Variants in PCDHA9 observed in about 807,000 individuals in gnomAD.
The protein encoded by PCDHA9 is protocadherin alpha-9.
Under a neutral mutation model 62.0 loss-of-function variants are expected in PCDHA9, and 62 were observed. The observed-to-expected ratio is 1.00, with a 90% CI of 0.81 to 1.23. PCDHA9 has a LOEUF of 1.23. Among genes scored for constraint, PCDHA9 ranks in the 50% most tolerant of loss-of-function variants. The pLI is 0.00. For synonymous variants in PCDHA9, 557 were observed against 567.6 expected, an observed-to-expected ratio of 0.98 and a Z score of 0.27; for missense variants, 1,205 against 1,249.8, an observed-to-expected ratio of 0.96 and a Z score of 0.54.
intron 1 of PCDHA9, chr5:140,858,206 A>T (rs781984728): frequency 1.3e-6 from 2 of 1,593,038 alleles, no homozygotes; most frequent in Non-Finnish European, 1.7e-6. Flanking sequence ...CACTGCACTG[A>T]GGTGCTCGGC....
chr5:140,968,753 C>T (rs782591270), intron 1 of PCDHA9: 8 of 1,614,018 alleles, frequency 5.0e-6, no homozygotes, highest in Non-Finnish European at 6.8e-6. Flanking sequence ...CGTGGTGGTC[C>T]GAGATAATGG....
rs74520967 is a variant in PCDHA9 at position 140,931,074 on chromosome 5, G to A, written c.2395-47875G>A. Among the ~76,000 whole-genome samples, 869 of 152,264 alleles carry A rather than the reference G, an allele frequency of 5.7e-3. 7 individuals are homozygous for A. The highest frequency in any genetic ancestry group is 0.018 in the African/African-American group (768 of 41,552). ...ATGCTGTGTCTGGGACTAAGTATGAGTCCAGTTCTACAGATGACAAAGGAA... is the reference window on the plus strand; with the variant it reads ...ATGCTGTGTCTGGGACTAAGTATGAATCCAGTTCTACAGATGACAAAGGAA... On this transcript the variant is annotated intron_variant, in intron 1 of 3. Coordinates refer to ENST00000532602, the MANE Select transcript of PCDHA9 (RefSeq NM_031857.2).
In PCDHA9 at chr5:140,884,413, G is replaced by C. The variant is rs376737487; in HGVS notation, c.2394+33524G>C. 13 of 1,613,896 alleles carry C rather than the reference G, an allele frequency of 8.1e-6. No homozygotes were observed. The East Asian group carries it at 2.5e-4, about 30-fold the overall frequency. On this transcript the variant is annotated intron_variant, in intron 1 of 3. Transcript: ENST00000532602. Reference sequence around the variant, plus strand: ...TGTCCAGCCTGTTGGTGCTCACGTTGCTGCTGTATACTGCGCTGCGGTGCT... The same window carrying C: ...TGTCCAGCCTGTTGGTGCTCACGTTCCTGCTGTATACTGCGCTGCGGTGCT...
intron 1 of PCDHA9, among the ~76,000 whole-genome samples, chr5:140,963,667 T>A (rs1206076549): frequency 6.6e-6 from 1 of 152,238 alleles, no homozygotes; most frequent in Non-Finnish European, 1.5e-5. Flanking sequence ...CTATATGGCA[T>A]AGTTAAATGT....
chr5:140,909,380 C>T (rs1247939021), intron 1 of PCDHA9, among the ~76,000 whole-genome samples: 2 of 152,194 alleles, frequency 1.3e-5, no homozygotes, highest in East Asian at 1.9e-4. Context: ...AATGAAACCA[C>T]ATCTAGTACA....
At chr5:140,857,347 G>A (rs781930086) in intron 1 of PCDHA9, 5 of 1,598,352 alleles carry the variant, frequency 3.1e-6, no homozygotes, top group Non-Finnish European at 4.3e-6. Context: ...GCTCGCCTCC[G>A]CTGTGGGCCA....
At chr5:140,904,435 A>G (rs542932460) in intron 1 of PCDHA9, among the ~76,000 whole-genome samples, 4 of 151,230 alleles carry the variant, frequency 2.6e-5, no homozygotes, top group African/African-American at 9.7e-5. Flanking sequence ...ATATATATGT[A>G]TATTACAATT....
chr5:140,984,164 A>G (rs1471799520), intron 3 of PCDHA9, among the ~76,000 whole-genome samples: 1 of 152,208 alleles, frequency 6.6e-6, no homozygotes, highest in Non-Finnish European at 1.5e-5. Context: ...GAACTTCCCA[A>G]AGAAGCCACG....
Position 140,923,348 on chromosome 5 carries a change from G to A in PCDHA9, c.2395-55601G>A, listed in dbSNP as rs376610944. Among the ~76,000 whole-genome samples the A allele has an allele frequency of 2.6e-3, 395 of 152,192 alleles. 2 individuals are homozygous for A. Among genetic ancestry groups the A allele is most frequent in the African/African-American group, 9.2e-3 (384 of 41,538 alleles). ...CAAGGACAGTTTGGGCAACATAGTG[G>A]GACCCTATCTTTATAAAATATTTTT... is the stretch of plus-strand genomic sequence containing the variant. On this transcript the variant is annotated intron_variant, in intron 1 of 3. Coordinates refer to ENST00000532602, the MANE Select transcript of PCDHA9 (RefSeq NM_031857.2).
At chr5:140,967,518 A>T (rs1554229639) in intron 1 of PCDHA9, 1 of 1,612,930 alleles carries the variant, frequency 6.2e-7, no homozygotes, top group Non-Finnish European at 8.5e-7. Flanking sequence ...CTGGACACTA[A>T]CGACAACTCT....
chr5:140,862,415 G>T (rs1382532896), intron 1 of PCDHA9: 12 of 348,784 alleles, frequency 3.4e-5, no homozygotes, highest in Admixed American at 1.9e-4. Context: ...TTCAAAAGGC[G>T]CTGCCCAGAA....
intron 2 of PCDHA9, among the ~76,000 whole-genome samples, chr5:140,979,425 A>G (rs1009935948): frequency 2.0e-5 from 3 of 151,814 alleles, no homozygotes; most frequent in African/African-American, 7.3e-5. Context: ...TTTTAATCTC[A>G]CATTGGCTAT....
intron 1 of PCDHA9, among the ~76,000 whole-genome samples, chr5:140,958,131 G>A (rs1164407997): frequency 3.9e-5 from 6 of 152,076 alleles, no homozygotes; most frequent in African/African-American, 1.4e-4. Context: ...AAATGTATCA[G>A]TGTGTATATT....
intron 1 of PCDHA9, among the ~76,000 whole-genome samples, chr5:140,907,796 A>AG (rs2073616997): frequency 6.6e-6 from 1 of 152,214 alleles, no homozygotes; most frequent in African/African-American, 2.4e-5. Flanking sequence ...AAAGAGGCTA[A>AG]GTGGTGTCCA....
At chr5:140,938,887 A>ACG (rs2092246756) in intron 1 of PCDHA9, among the ~76,000 whole-genome samples, 1 of 152,094 alleles carries the variant, frequency 6.6e-6, no homozygotes, top group South Asian at 2.1e-4. Flanking sequence ...ACACACACAC[A>ACG]CACAGATGCG....
chr5:140,911,404 A>G (rs2075457175), intron 1 of PCDHA9, among the ~76,000 whole-genome samples: 1 of 152,174 alleles, frequency 6.6e-6, no homozygotes, highest in African/African-American at 2.4e-5. Flanking sequence ...CAGGTCAGCC[A>G]CTGGTATGAT....
At chr5:141,006,755 A>G (rs1554260896) in intron 3 of PCDHA9, among the ~76,000 whole-genome samples, 1 of 152,190 alleles carries the variant, frequency 6.6e-6, no homozygotes, top group East Asian at 1.9e-4. Flanking sequence ...TAAATGGAGA[A>G]TGAAGAATAG....
chr5:140,916,229 A>G (rs2077489205), intron 1 of PCDHA9, among the ~76,000 whole-genome samples: 2 of 152,190 alleles, frequency 1.3e-5, no homozygotes, highest in African/African-American at 4.8e-5. Flanking sequence ...TATGCTTTCC[A>G]GGAGCCAAAG....
At chr5:140,867,714 T>C (rs1345564202) in intron 1 of PCDHA9, 1 of 152,070 alleles carries the variant, frequency 6.6e-6, no homozygotes, top group Non-Finnish European at 1.5e-5. Flanking sequence ...CCTAAGGGTA[T>C]ATGAAAAGAC....
Sources: gnomAD v4.1 joint callset for allele counts (sites outside exome capture counted in the v4.1 genomes callset) on GRCh38, gnomAD v4.1.1 for gene constraint, MANE v1.5 for transcripts, NCBI Gene and HGNC (gene_info 2026-07-23, HGNC 2026-07-21) for gene names.